TUSC3: variants seen among roughly 807,000 people sequenced by gnomAD.
TUSC3 encodes tumor suppressor candidate 3, also known as dolichyl-diphosphooligosaccharide--protein glycosyltransferase subunit TUSC3.
Under a neutral mutation model 44.8 loss-of-function variants are expected in TUSC3, and 45 were observed. That is an observed-to-expected ratio of 1.00 (90% confidence interval 0.79 to 1.29). The LOEUF (loss-of-function observed/expected upper bound fraction) is 1.29, where lower values mean the gene tolerates loss of function less well. Among genes scored for constraint, TUSC3 ranks in the 50% most tolerant of loss-of-function variants. The pLI is 0.00. For missense variants in TUSC3, 519 were observed against 437.9 expected (o/e 1.19, Z -1.65); for synonymous variants, 212 against 152.9 (o/e 1.39, Z -2.85).
intron 1 of TUSC3, among the ~76,000 whole-genome samples, chr8:15,442,708 G>A (rs1305961952): frequency 1.3e-5 from 2 of 152,008 alleles, no homozygotes; most frequent in African/African-American, 4.8e-5. Context: ...AGGATAGGAA[G>A]ACAGAATCAT....
At chr8:15,838,162 T>C in the TUSC3 span, among the ~76,000 whole-genome samples, 1 of 152,204 alleles carries the variant, frequency 6.6e-6, no homozygotes, top group Non-Finnish European at 1.5e-5. Flanking sequence ...TGAAAATATC[T>C]TCCTAGCCTG....
intron 1 of TUSC3, among the ~76,000 whole-genome samples, chr8:15,450,631 T>C (rs1407773635): frequency 6.6e-6 from 1 of 152,066 alleles, no homozygotes; most frequent in East Asian, 1.9e-4. Context: ...GATTGCAACA[T>C]TGCATTCCAG....
chr8:15,702,560 C>T (rs546566448), intron 6 of TUSC3, among the ~76,000 whole-genome samples: 1 of 152,070 alleles, frequency 6.6e-6, no homozygotes, highest in African/African-American at 2.4e-5. Context: ...AACCTGTTTC[C>T]AGCTCTTTCA....
At chr8:15,417,569 C>A (rs367965964) in intron 1 of TUSC3, among the ~76,000 whole-genome samples, 1 of 152,172 alleles carries the variant, frequency 6.6e-6, no homozygotes, top group African/African-American at 2.4e-5. Context: ...TGAAGGCTTT[C>A]AATTTCATTT....
intron 1 of TUSC3, among the ~76,000 whole-genome samples, chr8:15,443,341 T>C (rs1389956735): frequency 2.6e-5 from 2 of 77,974 alleles, no homozygotes; most frequent in South Asian, 1.0e-3. Context: ...CCTAATTGTG[T>C]GTGTGTGTGT....
the TUSC3 span, among the ~76,000 whole-genome samples, chr8:15,826,040 T>A: frequency 1.3e-5 from 2 of 152,116 alleles, no homozygotes; most frequent in Non-Finnish European, 2.9e-5. Flanking sequence ...TATCAGTATG[T>A]CATTTTCCAT....
At chr8:15,722,146 C>T (rs1173161165) in intron 6 of TUSC3, among the ~76,000 whole-genome samples, 2 of 151,626 alleles carry the variant, frequency 1.3e-5, no homozygotes, top group Admixed American at 1.3e-4. Context: ...TACCTGCAGT[C>T]TATGTTTTTG....
At chr8:15,485,991 G>C (rs1047917199) in intron 2 of TUSC3, among the ~76,000 whole-genome samples, 3 of 151,798 alleles carry the variant, frequency 2.0e-5, no homozygotes, top group African/African-American at 7.3e-5. Flanking sequence ...TCGGGGTTTC[G>C]CCATGTTGGG....
At chr8:15,562,926 A>G (rs1055229363) in intron 1 of TUSC3, among the ~76,000 whole-genome samples, 5 of 152,116 alleles carry the variant, frequency 3.3e-5, no homozygotes, top group African/African-American at 1.2e-4. Context: ...TATGTTTGCA[A>G]ATATTTGCCA....
intron 1 of TUSC3, among the ~76,000 whole-genome samples, chr8:15,620,445 A>AT (rs924149936): frequency 4.1e-4 from 62 of 152,132 alleles, no homozygotes; most frequent in African/African-American, 1.2e-3. Flanking sequence ...TTTTACATTG[A>AT]TTTTTTTTAG....
the TUSC3 span, among the ~76,000 whole-genome samples, chr8:15,773,257 TA>T: frequency 6.6e-6 from 1 of 152,106 alleles, no homozygotes; most frequent in Non-Finnish European, 1.5e-5. Context: ...TGATTAAAAA[TA>T]AATTCACCAG....
At chr8:15,760,482 A>C (rs1219882658) in intron 10 of TUSC3, among the ~76,000 whole-genome samples, 1 of 152,128 alleles carries the variant, frequency 6.6e-6, no homozygotes, top group Non-Finnish European at 1.5e-5. Context: ...TGTATCTTTC[A>C]GTACACCCTG....
the TUSC3 span, among the ~76,000 whole-genome samples, chr8:15,792,793 A>T: frequency 3.3e-5 from 5 of 151,784 alleles, no homozygotes; most frequent in Non-Finnish European, 5.9e-5. Context: ...TAATTTTTGT[A>T]GTTTTAGTAG....
At chr8:15,649,072 A>G (rs764633723) in intron 2 of TUSC3, among the ~76,000 whole-genome samples, 7 of 152,272 alleles carry the variant, frequency 4.6e-5, no homozygotes, top group Admixed American at 6.5e-5. Flanking sequence ...GATAAATACA[A>G]TATCTTTTCT....
chr8:15,693,446 T>TC (rs1809011747), intron 6 of TUSC3, among the ~76,000 whole-genome samples: 1 of 148,394 alleles, frequency 6.7e-6, no homozygotes, highest in African/African-American at 2.5e-5. Flanking sequence ...AAGTTCTTTT[T>TC]TTTTTTTTTT....
Position 15,764,357 on chromosome 8 carries a change from TA to T in TUSC3, c.*202del. The T allele has an allele frequency of 1.2e-6, 1 of 853,472 alleles. No individual in the cohort carries two copies. 52.9% of individuals were successfully genotyped at this position (853,472 alleles called of 1,614,324 possible). A position where few individuals can be genotyped will look rare whatever the true frequency, so the allele number is the denominator to read the frequency against. ...ACTTTTTTTAAACTGTGGGTTTTCCTAGTAAATTTAATTTACAGAAATCAAT... is the reference window on the plus strand; with the variant it reads ...ACTTTTTTTAAACTGTGGGTTTTCCTGTAAATTTAATTTACAGAAATCAAT... On this transcript the variant is annotated 3_prime_UTR_variant, in exon 11 of 11. Transcript: ENST00000503731.
chr8:15,806,511 C>T, the TUSC3 span: 2 of 1,139,500 alleles, frequency 1.8e-6, no homozygotes, highest in Non-Finnish European at 2.7e-6. Context: ...TTCTCAGGGT[C>T]ATCAGTGACT....
At chr8:15,589,596 A>T (rs1803738837) in intron 1 of TUSC3, among the ~76,000 whole-genome samples, 1 of 152,194 alleles carries the variant, frequency 6.6e-6, no homozygotes, top group Non-Finnish European at 1.5e-5. Flanking sequence ...ATTGGAATTT[A>T]TAAGTAATGT....
chr8:15,451,452 C>CATGG (rs987957129), intron 1 of TUSC3, among the ~76,000 whole-genome samples: 6 of 152,114 alleles, frequency 3.9e-5, no homozygotes, highest in African/African-American at 1.4e-4. Flanking sequence ...TTTAACCAAT[C>CATGG]ATGGCTACAT....
Sources: allele counts gnomAD v4.1 joint callset (sites outside exome capture counted in the v4.1 genomes callset), GRCh38; gene constraint gnomAD v4.1.1; transcripts MANE v1.5; gene names NCBI Gene and HGNC (gene_info 2026-07-23, HGNC 2026-07-21).